Variants in ANGPT2 observed in about 807,000 individuals in gnomAD.
The protein encoded by ANGPT2 is angiopoietin 2.
ANGPT2 carries 28 observed loss-of-function variants against 62.9 expected under a neutral mutation model. The observed-to-expected ratio is 0.44, with a 90% CI of 0.33 to 0.61. The LOEUF is 0.61. Among genes scored for constraint, ANGPT2 ranks in the 20% least tolerant of loss-of-function variants. The pLI is 0.03. For synonymous variants in ANGPT2, 284 were observed against 207.8 expected, an observed-to-expected ratio of 1.37 and a Z score of -3.15; for missense variants, 727 against 594.9, an observed-to-expected ratio of 1.22 and a Z score of -2.31.
chr8:6,558,181 A>G (rs1042088482), intron 1 of ANGPT2, among the ~76,000 whole-genome samples: 13 of 152,214 alleles, frequency 8.5e-5, no homozygotes, highest in African/African-American at 3.1e-4. Flanking sequence ...AAAAAGAAGG[A>G]ACGCTGTACA....
intron 1 of ANGPT2, among the ~76,000 whole-genome samples, chr8:6,551,720 T>C: frequency 6.6e-6 from 1 of 152,200 alleles, no homozygotes; most frequent in East Asian, 1.9e-4. Flanking sequence ...ACCTATTCCT[T>C]AATAGTTAAA....
At chr8:6,535,336 A>C (rs900068164) in intron 1 of ANGPT2, among the ~76,000 whole-genome samples, 1 of 152,264 alleles carries the variant, frequency 6.6e-6, no homozygotes, top group Non-Finnish European at 1.5e-5. Flanking sequence ...ATTTGAAATT[A>C]AACTTAGGAA....
intron 7 of ANGPT2, 131 bp from the exon 8 acceptor site, chr8:6,509,193 C>T: frequency 8.4e-7 from 1 of 1,189,160 alleles, no homozygotes. Flanking sequence ...AATGCATACT[C>T]TGGACAAAAT....
At chr8:6,510,926 T>C (rs1814943529) in intron 7 of ANGPT2, among the ~76,000 whole-genome samples, 2 of 152,364 alleles carry the variant, frequency 1.3e-5, no homozygotes, top group South Asian at 2.1e-4. Flanking sequence ...GCTCAGTCTC[T>C]AAATGCCTGC....
chr8:6,538,580 C>G (rs565104308), intron 1 of ANGPT2, among the ~76,000 whole-genome samples: 4 of 152,330 alleles, frequency 2.6e-5, no homozygotes, highest in African/African-American at 4.8e-5. Context: ...GCCCAGCGGC[C>G]TCATACCACG....
intron 1 of ANGPT2, among the ~76,000 whole-genome samples, chr8:6,544,135 C>T (rs1192770489): frequency 6.6e-6 from 1 of 152,214 alleles, no homozygotes; most frequent in African/African-American, 2.4e-5. Flanking sequence ...CTTTTATCTT[C>T]ATCTCTTGAT....
At chr8:6,513,372 G>A (rs909074364) in intron 7 of ANGPT2, among the ~76,000 whole-genome samples, 3 of 140,374 alleles carry the variant, frequency 2.1e-5, no homozygotes, top group Non-Finnish European at 4.5e-5. Flanking sequence ...TTGCTCTGTC[G>A]CCCAGGTTGC....
intron 5 of ANGPT2, among the ~76,000 whole-genome samples, chr8:6,518,167 G>A (rs3020220): frequency 6.6e-6 from 1 of 152,148 alleles, no homozygotes; most frequent in Non-Finnish European, 1.5e-5. Context: ...GGGGCTGCAT[G>A]GTTAGCGGCT....
chr8:6,504,073 C>G (rs1300263139), intron 8 of ANGPT2, among the ~76,000 whole-genome samples: 1 of 152,166 alleles, frequency 6.6e-6, no homozygotes, highest in African/African-American at 2.4e-5. Context: ...AATCCCAGCA[C>G]TTTGGGAGGC....
At chr8:6,559,694 TCTC>T (rs1278786106) in intron 1 of ANGPT2, among the ~76,000 whole-genome samples, 1 of 152,198 alleles carries the variant, frequency 6.6e-6, no homozygotes, top group Non-Finnish European at 1.5e-5. Flanking sequence ...ATTCCTGTGG[TCTC>T]CTAGCAAAAT....
rs767475104 is a variant in ANGPT2 at position 6,499,819 on chromosome 8, G to A, written c.*3282C>T. 9 of 1,598,424 alleles carry A rather than the reference G, an allele frequency of 5.6e-6. No individual in the cohort carries two copies. In the Admixed American group the frequency reaches 8.3e-5, roughly 15 times the overall value. ...TTATTGCCTGCTAAGGCTAATAAATGTATAATAAATCTGCTTGTTGTGTCA... is the reference window on the plus strand; with the variant it reads ...TTATTGCCTGCTAAGGCTAATAAATATATAATAAATCTGCTTGTTGTGTCA... On this transcript the variant is annotated 3_prime_UTR_variant, in exon 9 of 9. Transcript: ENST00000629816.
Position 6,563,020 on chromosome 8 carries a change from A to G in ANGPT2, c.-86T>C. The G allele has an allele frequency of 1.4e-6, 2 of 1,424,068 alleles. No individual in the cohort carries two copies. 88.2% of individuals were successfully genotyped at this position (1,424,068 alleles called of 1,614,324 possible). The stretch of plus-strand genomic sequence containing the variant: ...CCCGAGCTGCTGCCGTCTAAAACGC[A>G]GGGCTGCTACGCTGCCATGGCTGGG... On this transcript the variant is annotated 5_prime_UTR_variant, in exon 1 of 9. Transcript: ENST00000629816.
At chr8:6,547,010 C>T (rs1265094612) in intron 1 of ANGPT2, among the ~76,000 whole-genome samples, 1 of 152,144 alleles carries the variant, frequency 6.6e-6, no homozygotes, top group Non-Finnish European at 1.5e-5. Context: ...CCACGGTGTA[C>T]CTCGGAAGAA....
intron 8 of ANGPT2, among the ~76,000 whole-genome samples, chr8:6,504,502 G>A (rs71525731): frequency 2.6e-5 from 4 of 151,948 alleles, no homozygotes; most frequent in Non-Finnish European, 5.9e-5. Flanking sequence ...TTATTAGATC[G>A]ATTGTCACAG....
At chr8:6,531,402 C>T (rs1167165071) in intron 2 of ANGPT2, among the ~76,000 whole-genome samples, 1 of 151,872 alleles carries the variant, frequency 6.6e-6, no homozygotes, top group Non-Finnish European at 1.5e-5. Context: ...AATTCTCCTG[C>T]CTCAGCCTCC....
intron 8 of ANGPT2, among the ~76,000 whole-genome samples, chr8:6,504,317 CAAA>C (rs35379672): frequency 1.2e-5 from 1 of 85,902 alleles, no homozygotes; most frequent in Non-Finnish European, 2.2e-5. Context: ...GACTCCAGCT[CAAA>C]AAAAAAAAAA....
chr8:6,542,247 C>T (rs991260752), intron 1 of ANGPT2, among the ~76,000 whole-genome samples: 3 of 151,956 alleles, frequency 2.0e-5, no homozygotes, highest in South Asian at 2.1e-4. Context: ...GTATATCTGT[C>T]TAGAGACATA....
intron 1 of ANGPT2, among the ~76,000 whole-genome samples, chr8:6,558,212 T>A (rs1346397443): frequency 6.6e-6 from 1 of 152,186 alleles, no homozygotes; most frequent in Non-Finnish European, 1.5e-5. Flanking sequence ...AATTTGGCAT[T>A]TTAAATAAAG....
At position 6,503,048 on chromosome 8, in the gene ANGPT2, G is replaced by C. The variant is rs534344603; in HGVS notation, c.*53C>G. ...CGCAGCCGTGACTTTCAGTGCACTG[G>C]GCTTAAGTCTTTGAAAATAGTTCGA... On this transcript the variant is annotated 3_prime_UTR_variant, in exon 9 of 9. Transcript: ENST00000629816. 8.7e-6 allele frequency: 14 copies of C among 1,604,322 alleles called. No homozygotes were observed. Among genetic ancestry groups the C allele is most frequent in the Non-Finnish European group, 1.2e-5 (14 of 1,174,300 alleles).
Sources: allele counts gnomAD v4.1 joint callset (sites outside exome capture counted in the v4.1 genomes callset), GRCh38; gene constraint gnomAD v4.1.1; transcripts MANE v1.5; gene names NCBI Gene and HGNC (gene_info 2026-07-23, HGNC 2026-07-21).